The following ALLC variants were observed in gnomAD, a reference collection of about 807,000 sequenced individuals.
ALLC encodes the protein probable inactive allantoicase.
In ALLC, 40 loss-of-function variants were observed where a neutral mutation model predicts 45.0. The observed-to-expected ratio is 0.89, with a 90% confidence interval of 0.69 to 1.16. The LOEUF is 1.16. Ranked by LOEUF, ALLC falls within the 50% of genes most tolerant of loss-of-function variation. The pLI is 0.00. For missense variants in ALLC, 488 were observed against 493.1 expected (o/e 0.99, Z 0.10); for synonymous variants, 176 against 178.1 (o/e 0.99, Z 0.09).
rs541417327 is a variant in ALLC, at chr2:3,665,713, T to C, written c.-62-5383T>C. Among the ~76,000 whole-genome samples, 44 of 152,372 alleles carry C rather than the reference T, an allele frequency of 2.9e-4. 1 individual carries two copies. The South Asian group carries it at 9.1e-3, about 32-fold the overall frequency. On this transcript the variant is annotated intron_variant, in intron 1 of 11. Coordinates refer to ENST00000252505, the MANE Select transcript of ALLC (RefSeq NM_018436.4). Reference sequence around the variant, plus strand: ...CACATTTTCTTTATCCAGTCTATCATTGATGGGCATTTGGGTTGATTCCGT... The same window carrying C: ...CACATTTTCTTTATCCAGTCTATCACTGATGGGCATTTGGGTTGATTCCGT...
At chr2:3,685,248 T>C (rs1264165662) in intron 7 of ALLC, among the ~76,000 whole-genome samples, 1 of 151,178 alleles carries the variant, frequency 6.6e-6, no homozygotes, top group African/African-American at 2.4e-5. Context: ...TCTTTTTAAA[T>C]AAAAGCGGTA....
At chr2:3,675,087 T>G (rs1204992583) in intron 3 of ALLC, among the ~76,000 whole-genome samples, 2 of 152,156 alleles carry the variant, frequency 1.3e-5, no homozygotes, top group African/African-American at 2.4e-5. Context: ...TATGGACTAT[T>G]ATGTGGCTAC....
At chr2:3,658,796 A>G (rs1380312212) in intron 1 of ALLC, among the ~76,000 whole-genome samples, 1 of 144,490 alleles carries the variant, frequency 6.9e-6, no homozygotes, top group Non-Finnish European at 1.5e-5. Flanking sequence ...TGAGCCCGGG[A>G]TGGGATTGGG....
chr2:3,676,653 G>C (rs574263450), intron 3 of ALLC, among the ~76,000 whole-genome samples: 2 of 152,238 alleles, frequency 1.3e-5, no homozygotes, highest in South Asian at 4.2e-4. Flanking sequence ...ATGTCATCGT[G>C]GTCCATTTTA....
intron 10 of ALLC, 78 bp from the exon 11 acceptor site, chr2:3,701,434 T>A: frequency 7.0e-7 from 1 of 1,436,184 alleles, no homozygotes; most frequent in Non-Finnish European, 9.3e-7. Flanking sequence ...TTTGATCTTA[T>A]TAAAAAAGCA....
intron 1 of ALLC, among the ~76,000 whole-genome samples, chr2:3,665,532 C>T (rs1405869667): frequency 6.6e-6 from 1 of 152,200 alleles, no homozygotes; most frequent in Non-Finnish European, 1.5e-5. Flanking sequence ...TCTCATCGTT[C>T]AGCTCCCACT....
chr2:3,674,604 A>C, intron 3 of ALLC, among the ~76,000 whole-genome samples: 1 of 152,212 alleles, frequency 6.6e-6, no homozygotes, highest in East Asian at 1.9e-4. Flanking sequence ...GTGGAGAGAC[A>C]AACACAGGTG....
intron 1 of ALLC, 41 bp from the exon 2 acceptor site, chr2:3,671,055 C>T (rs923022183): frequency 2.3e-5 from 30 of 1,277,628 alleles, no homozygotes; most frequent in African/African-American, 2.1e-4. Flanking sequence ...CACTCACTCC[C>T]GCAGCCCCCA....
intron 2 of ALLC, among the ~76,000 whole-genome samples, chr2:3,672,899 G>A (rs1300033552): frequency 6.6e-6 from 1 of 152,258 alleles, no homozygotes; most frequent in East Asian, 1.9e-4. Context: ...CAGAAGCAGT[G>A]TGTCTGGTAC....
At chr2:3,667,109 AC>A (rs916037288) in intron 1 of ALLC, among the ~76,000 whole-genome samples, 5 of 152,164 alleles carry the variant, frequency 3.3e-5, no homozygotes, top group Non-Finnish European at 7.4e-5. Flanking sequence ...CCCTGCCTGC[AC>A]CCATGGTCTC....
intron 1 of ALLC, among the ~76,000 whole-genome samples, chr2:3,667,285 T>A (rs909379870): frequency 2.0e-5 from 3 of 152,360 alleles, no homozygotes; most frequent in Admixed American, 2.0e-4. Flanking sequence ...CCACCTCGTC[T>A]GTCCCCTCCA....
the ALLC span, among the ~76,000 whole-genome samples, chr2:3,652,992 T>A: frequency 1.8e-4 from 27 of 152,230 alleles, no homozygotes; most frequent in Non-Finnish European, 3.1e-4. Context: ...TTGGCTGGGC[T>A]CACTCTGGTG....
chr2:3,681,435 A>G (rs1031322205), intron 5 of ALLC, among the ~76,000 whole-genome samples, 199 bp from the exon 6 acceptor site: 3 of 152,212 alleles, frequency 2.0e-5, no homozygotes, highest in African/African-American at 7.2e-5. Flanking sequence ...AACATCTTGT[A>G]CTATTTTTTG....
intron 6 of ALLC, among the ~76,000 whole-genome samples, 189 bp downstream of exon 6, chr2:3,681,902 C>A (rs1477555217): frequency 2.0e-5 from 3 of 152,198 alleles, no homozygotes; most frequent in African/African-American, 7.2e-5. Context: ...GAGTGAGCAT[C>A]ATGGCCCAAA....
chr2:3,678,692 A>G, intron 4 of ALLC, 137 bp downstream of exon 4: 4 of 689,508 alleles, frequency 5.8e-6, no homozygotes, highest in Non-Finnish European at 1.0e-5. Flanking sequence ...GGATGTCCTT[A>G]TCTGAACATC....
rs886766381 is a variant in ALLC at position 3,667,857 on chromosome 2, C to T, written c.-62-3239C>T. Reference sequence around the variant, plus strand: ...TCGGCTCACCGCAACCTCCGCCTTCCGGGTTCAAGTGATTCTCCTGCCTCA... The same window carrying T: ...TCGGCTCACCGCAACCTCCGCCTTCTGGGTTCAAGTGATTCTCCTGCCTCA... On this transcript the variant is annotated intron_variant, in intron 1 of 11. Transcript: ENST00000252505. Among the ~76,000 whole-genome samples the T allele has an allele frequency of 1.4e-4, 22 of 152,262 alleles. No individual in the cohort carries two copies. In the East Asian group the frequency reaches 2.3e-3, roughly 16 times the overall value.
rs564050552 is a variant in ALLC at position 3,671,233 on chromosome 2, G to A, written c.33+43G>A. On this transcript the variant is annotated intron_variant, in intron 2 of 11. Coordinates refer to ENST00000252505, the MANE Select transcript of ALLC (RefSeq NM_018436.4). ...GGCCAAACAAGGGTTGAAGGCATCCGTGCTAAGGGCACAACTCACCAGTGC... is the reference window on the plus strand; with the variant it reads ...GGCCAAACAAGGGTTGAAGGCATCCATGCTAAGGGCACAACTCACCAGTGC... 90 of 1,593,522 alleles carry A rather than the reference G, an allele frequency of 5.6e-5. 1 individual carries two copies. The South Asian group carries it at 5.8e-4, about 10-fold the overall frequency.
In ALLC at chr2:3,674,065, C is replaced by G. The variant is rs1428622127; in HGVS notation, c.34-10C>G. 6.5e-7 allele frequency: 1 copy of G among 1,529,666 alleles called. No homozygotes were observed. The highest frequency in any genetic ancestry group is 8.9e-7 in the Non-Finnish European group (1 of 1,129,534). 94.8% of individuals were successfully genotyped at this position (1,529,666 alleles called of 1,614,324 possible). ...TTGCTTTATCTTTCTTTCTTTCTTT[C>G]TTTGTCTAGATTTTATTTGCAACAG... On this transcript the variant is annotated splice_polypyrimidine_tract_variant and intron_variant, in intron 2 of 11. Transcript: ENST00000252505.
Position 3,683,090 on chromosome 2 carries a change from A to G in ALLC, c.511+16A>G. ...ATTTTCCCAGGTAATCGTGACATGGACTTATCACCAGTTCCATGGCTTCTT... is the reference window on the plus strand; with the variant it reads ...ATTTTCCCAGGTAATCGTGACATGGGCTTATCACCAGTTCCATGGCTTCTT... On this transcript the variant is annotated intron_variant, in intron 7 of 11. Coordinates refer to ENST00000252505, the MANE Select transcript of ALLC (RefSeq NM_018436.4). 6.2e-7 allele frequency: 1 copy of G among 1,607,650 alleles called. No homozygotes were observed. Among genetic ancestry groups the G allele is most frequent in the Non-Finnish European group, 8.5e-7 (1 of 1,177,762 alleles).
Sources: gnomAD v4.1 joint callset for allele counts (sites outside exome capture counted in the v4.1 genomes callset) on GRCh38, gnomAD v4.1.1 for gene constraint, MANE v1.5 for transcripts, NCBI Gene and HGNC (gene_info 2026-07-23, HGNC 2026-07-21) for gene names.